CEP112: variants seen among roughly 807,000 people sequenced by gnomAD.
CEP112 encodes centrosomal protein of 112 kDa.
CEP112 carries 127 observed loss-of-function variants against 153.0 expected under a neutral mutation model. The observed-to-expected ratio is 0.83, with a 90% CI of 0.72 to 0.96. The LOEUF (loss-of-function observed/expected upper bound fraction) is 0.96, where lower values mean the gene tolerates loss of function less well. Among genes scored for constraint, CEP112 ranks in the 40% least tolerant of loss-of-function variants. The pLI, the probability that CEP112 is intolerant of heterozygous loss-of-function variation, is 0.00. For synonymous variants in CEP112, 358 were observed against 374.4 expected, an observed-to-expected ratio of 0.96 and a Z score of 0.51; for missense variants, 1,089 against 1,101.2, an observed-to-expected ratio of 0.99 and a Z score of 0.16.
intron 18 of CEP112, among the ~76,000 whole-genome samples, chr17:65,951,277 AATATTCTGAAAGAGTTTTCAAAG>A (rs2061820478): frequency 6.6e-6 from 1 of 152,196 alleles, no homozygotes; most frequent in Admixed American, 6.5e-5. Flanking sequence ...CTTCTTCCTC[AATATTCTGAAAGAGTTTTCAAAG>A]AATTAAAATT....
chr17:66,067,620 GT>G (rs1050951562), intron 9 of CEP112, among the ~76,000 whole-genome samples: 10 of 151,908 alleles, frequency 6.6e-5, no homozygotes, highest in African/African-American at 1.9e-4. Context: ...CTCATAAATG[GT>G]TTCCCCCCAA....
intron 21 of CEP112, chr17:65,826,101 C>G: frequency 6.3e-7 from 1 of 1,591,564 alleles, no homozygotes; most frequent in South Asian, 1.1e-5. Context: ...TCAGCAAGAT[C>G]CCTATGTCAG....
At position 65,732,771 on chromosome 17, in the gene CEP112, T is replaced by C. The variant is rs60860855; in HGVS notation, c.2607+10297A>G. Among the ~76,000 whole-genome samples the C allele has an allele frequency of 6.6e-3, 1,013 of 152,348 alleles. 12 individuals carry two copies. The highest frequency in any genetic ancestry group is 0.023 in the African/African-American group (962 of 41,588). ...TTCAGACTTTTCTTCTGCAGCTTCC[T>C]CACCTCTCTCAGCCTTCACAGAATT... is the stretch of plus-strand genomic sequence containing the variant. On this transcript the variant is annotated intron_variant, in intron 23 of 26. Coordinates refer to ENST00000535342, the MANE Select transcript of CEP112 (RefSeq NM_001199165.4).
intron 24 of CEP112, among the ~76,000 whole-genome samples, chr17:65,643,454 C>T (rs898843713): frequency 7.7e-6 from 1 of 130,686 alleles, no homozygotes; most frequent in African/African-American, 3.1e-5. Context: ...CGCACCACCA[C>T]ACCTGGCTAA....
At chr17:65,688,549 C>T (rs1378577718) in intron 24 of CEP112, 4 of 152,328 alleles carry the variant, frequency 2.6e-5, no homozygotes, top group East Asian at 3.8e-4. Context: ...TTTCTGCCTC[C>T]GAATAGTGCA....
chr17:65,832,669 T>G (rs946740548), intron 21 of CEP112, among the ~76,000 whole-genome samples: 2 of 150,546 alleles, frequency 1.3e-5, no homozygotes, highest in East Asian at 3.9e-4. Flanking sequence ...ATTTATTTCA[T>G]GAACAGACCA....
intron 23 of CEP112, among the ~76,000 whole-genome samples, chr17:65,731,832 G>A (rs1364624851): frequency 1.3e-5 from 2 of 152,162 alleles, no homozygotes; most frequent in African/African-American, 4.8e-5. Context: ...ATTCAAGTTT[G>A]GTCATGAGGT....
At chr17:66,049,514 C>T (rs998692978) in intron 12 of CEP112, among the ~76,000 whole-genome samples, 2 of 152,128 alleles carry the variant, frequency 1.3e-5, no homozygotes, top group African/African-American at 4.8e-5. Flanking sequence ...CTTTGGGAGG[C>T]CAAGGTGGGT....
intron 19 of CEP112, among the ~76,000 whole-genome samples, chr17:65,926,725 T>G (rs1490041362): frequency 1.3e-5 from 2 of 151,740 alleles, no homozygotes; most frequent in African/African-American, 4.8e-5. Flanking sequence ...ATAATAATAA[T>G]AATAATAATA....
chr17:66,033,309 CAGAA>C (rs1164847799), intron 12 of CEP112, among the ~76,000 whole-genome samples: 2 of 152,266 alleles, frequency 1.3e-5, no homozygotes, highest in East Asian at 3.9e-4. Context: ...AAAAGTCACA[CAGAA>C]TGAAGAATGC....
chr17:65,636,214 C>G (rs1396416310), intron 26 of CEP112, among the ~76,000 whole-genome samples: 1 of 152,176 alleles, frequency 6.6e-6, no homozygotes, highest in Non-Finnish European at 1.5e-5. Context: ...ATAAGTAGTT[C>G]AGTCTTTCAC....
chr17:66,133,529 G>C (rs1212293028), intron 4 of CEP112, among the ~76,000 whole-genome samples: 1 of 152,076 alleles, frequency 6.6e-6, no homozygotes, highest in Non-Finnish European at 1.5e-5. Context: ...AGTTTAAATG[G>C]ACTTCATCAA....
chr17:66,085,268 C>T (rs909547027), intron 8 of CEP112, among the ~76,000 whole-genome samples: 2 of 152,142 alleles, frequency 1.3e-5, no homozygotes, highest in South Asian at 2.1e-4. Flanking sequence ...GTTATACAAC[C>T]GTTAGCACAA....
At chr17:65,746,279 A>G (rs1052838544) in intron 22 of CEP112, among the ~76,000 whole-genome samples, 1 of 152,096 alleles carries the variant, frequency 6.6e-6, no homozygotes, top group Non-Finnish European at 1.5e-5. Context: ...TTGTGTGGAA[A>G]ATAAAACCTT....
intron 19 of CEP112, among the ~76,000 whole-genome samples, chr17:65,925,331 T>A (rs2060886538): frequency 6.6e-6 from 1 of 152,208 alleles, no homozygotes; most frequent in African/African-American, 2.4e-5. Context: ...CCTTTATAAA[T>A]TACCCAGTCT....
intron 21 of CEP112, among the ~76,000 whole-genome samples, chr17:65,767,776 GTAAACAGAT>G (rs1311039383): frequency 6.6e-6 from 1 of 151,886 alleles, no homozygotes; most frequent in Admixed American, 6.6e-5. Context: ...ATCATCTAGG[GTAAACAGAT>G]TAATTCCTAG....
intron 6 of CEP112, among the ~76,000 whole-genome samples, chr17:66,109,270 T>C (rs971210970): frequency 2.0e-5 from 3 of 152,156 alleles, no homozygotes; most frequent in African/African-American, 7.2e-5. Context: ...AAGAGTGTAA[T>C]TGGATTGTTT....
chr17:66,039,615 C>A (rs557029782), intron 12 of CEP112, among the ~76,000 whole-genome samples: 14 of 152,122 alleles, frequency 9.2e-5, no homozygotes, highest in Admixed American at 7.9e-4. Flanking sequence ...AAGATACATA[C>A]GTTTATGATT....
intron 14 of CEP112, 98 bp downstream of exon 14, chr17:66,029,025 T>A (rs1228142142): frequency 2.1e-6 from 2 of 938,970 alleles, no homozygotes; most frequent in Non-Finnish European, 3.1e-6. Context: ...GAAAGAGAGA[T>A]TAATTTCAAA....
Sources: allele counts gnomAD v4.1 joint callset (sites outside exome capture counted in the v4.1 genomes callset), GRCh38; gene constraint gnomAD v4.1.1; transcripts MANE v1.5; gene names NCBI Gene and HGNC (gene_info 2026-07-23, HGNC 2026-07-21).